Variants in PPP1R14C observed in about 807,000 individuals in gnomAD.
PPP1R14C encodes protein phosphatase 1 regulatory subunit 14C.
In PPP1R14C, 16 loss-of-function variants were observed where a neutral mutation model predicts 20.4. That is an observed-to-expected ratio of 0.78 (90% CI 0.53 to 1.19). The LOEUF (loss-of-function observed/expected upper bound fraction) is 1.19, where lower values mean the gene tolerates loss of function less well. Ranked by LOEUF, PPP1R14C falls within the 50% of genes most tolerant of loss-of-function variation. The pLI, the probability that PPP1R14C is intolerant of heterozygous loss-of-function variation, is 0.00. For synonymous variants in PPP1R14C, 91 were observed against 91.0 expected (o/e 1.00, Z 0.00); for missense variants, 211 against 220.1 (o/e 0.96, Z 0.26).
At chr6:150,168,897 G>C (rs1250521455) in intron 1 of PPP1R14C, among the ~76,000 whole-genome samples, 1 of 151,854 alleles carries the variant, frequency 6.6e-6, no homozygotes, top group Non-Finnish European at 1.5e-5. Flanking sequence ...TATTATTTGA[G>C]ACAGATTCTC....
At chr6:150,186,267 A>G (rs1777676046) in intron 1 of PPP1R14C, among the ~76,000 whole-genome samples, 1 of 152,214 alleles carries the variant, frequency 6.6e-6, no homozygotes, top group Non-Finnish European at 1.5e-5. Flanking sequence ...ATGGTCTTCA[A>G]AAGCCCTCAG....
chr6:150,169,228 C>T (rs1363215464), intron 1 of PPP1R14C, among the ~76,000 whole-genome samples: 1 of 152,132 alleles, frequency 6.6e-6, no homozygotes, highest in Non-Finnish European at 1.5e-5. Context: ...AATATCTAAC[C>T]TTCCATTATA....
intron 1 of PPP1R14C, chr6:150,164,507 T>C (rs1017209611): frequency 5.9e-5 from 9 of 152,326 alleles, no homozygotes; most frequent in Non-Finnish European, 1.0e-4. Flanking sequence ...TTCATTATTT[T>C]ACCTTTTATA....
intron 1 of PPP1R14C, among the ~76,000 whole-genome samples, chr6:150,157,082 T>G (rs139743993): frequency 1.3e-5 from 2 of 151,560 alleles, no homozygotes; most frequent in Non-Finnish European, 2.9e-5. Context: ...ATCCCAAGGT[T>G]GAGTTAACTC....
intron 1 of PPP1R14C, among the ~76,000 whole-genome samples, chr6:150,155,765 C>T (rs1042122164): frequency 3.9e-5 from 6 of 151,990 alleles, no homozygotes; most frequent in African/African-American, 1.4e-4. Flanking sequence ...TGGCTCACAC[C>T]TGTAATCCCA....
chr6:150,204,670 T>G (rs1777921949), intron 1 of PPP1R14C, among the ~76,000 whole-genome samples: 1 of 152,164 alleles, frequency 6.6e-6, no homozygotes, highest in Admixed American at 6.5e-5. Context: ...GTGTGGGAAC[T>G]AAGGGTTAGG....
At position 150,168,116 on chromosome 6, in the gene PPP1R14C, C is replaced by G. The variant is rs1336418043; in HGVS notation, c.306+24618C>G. Among the ~76,000 whole-genome samples the G allele has an allele frequency of 2.3e-5, 3 of 130,056 alleles. No individual in the cohort carries two copies. In the Admixed American group the frequency reaches 2.3e-4, roughly 10 times the overall value. 85.3% of individuals were successfully genotyped at this position (130,056 alleles called of 152,430 possible). A position where few individuals can be genotyped will look rare whatever the true frequency, so the allele number is the denominator to read the frequency against. Reference sequence around the variant, plus strand: ...TTTCACTTCCCCTTTTACTTCCCTCCCCCACTCCTTCTCCCTAACACAATA... The same window carrying G: ...TTTCACTTCCCCTTTTACTTCCCTCGCCCACTCCTTCTCCCTAACACAATA... On this transcript the variant is annotated intron_variant, in intron 1 of 3. Transcript: ENST00000361131.
intron 1 of PPP1R14C, among the ~76,000 whole-genome samples, chr6:150,144,317 A>G (rs1343428598): frequency 6.6e-6 from 1 of 152,256 alleles, no homozygotes; most frequent in East Asian, 1.9e-4. Context: ...CCCAAGGTCC[A>G]GGGACTAAGG....
At chr6:150,216,972 AATT>A (rs1287406107) in intron 3 of PPP1R14C, 116 bp downstream of exon 3, 2 of 735,234 alleles carry the variant, frequency 2.7e-6, no homozygotes, top group African/African-American at 3.6e-5. Context: ...ACCAATTAGC[AATT>A]ATTATCCATG....
At chr6:150,223,017 C>T (rs978305012) in intron 3 of PPP1R14C, among the ~76,000 whole-genome samples, 4 of 152,106 alleles carry the variant, frequency 2.6e-5, no homozygotes, top group Admixed American at 6.6e-5. Context: ...GATGTGCCCA[C>T]CTCAGACTCC....
chr6:150,187,261 G>C (rs1204647706), intron 1 of PPP1R14C, among the ~76,000 whole-genome samples: 1 of 148,618 alleles, frequency 6.7e-6, no homozygotes, highest in South Asian at 2.1e-4. Flanking sequence ...GTGTGTGTGT[G>C]TGTGTGTGTG....
chr6:150,180,540 A>G lies in PPP1R14C; in HGVS notation c.307-34204A>G, dbSNP rs969681637. 3.3e-5 allele frequency among the ~76,000 whole-genome samples: 5 copies of G among 152,246 alleles called. No individual in the cohort carries two copies. The South Asian group carries it at 6.2e-4, about 19-fold the overall frequency. On this transcript the variant is annotated intron_variant, in intron 1 of 3. Coordinates refer to ENST00000361131, the MANE Select transcript of PPP1R14C (RefSeq NM_030949.3). ...GCTTCCATGTTTCATCCAGCATTAT[A>G]TAAGGAACTCTGCACATGTGGGTAC... is the stretch of plus-strand genomic sequence containing the variant.
chr6:150,163,146 C>A (rs1365482017), intron 1 of PPP1R14C, among the ~76,000 whole-genome samples: 1 of 152,178 alleles, frequency 6.6e-6, no homozygotes, highest in Admixed American at 6.5e-5. Context: ...AATCCCAGCA[C>A]TTTGGGAGGC....
chr6:150,197,174 T>C (rs1474380139), intron 1 of PPP1R14C, among the ~76,000 whole-genome samples: 1 of 152,104 alleles, frequency 6.6e-6, no homozygotes. Flanking sequence ...CCTGCCTACC[T>C]CAGGCCTCCC....
intron 3 of PPP1R14C, among the ~76,000 whole-genome samples, chr6:150,240,433 A>G (rs868716774): frequency 6.6e-6 from 1 of 152,224 alleles, no homozygotes; most frequent in Non-Finnish European, 1.5e-5. Flanking sequence ...AGTGGGCTGG[A>G]GCAAGTGGCT....
chr6:150,241,888 A>G (rs2114932827), intron 3 of PPP1R14C, among the ~76,000 whole-genome samples: 1 of 152,190 alleles, frequency 6.6e-6, no homozygotes, highest in East Asian at 1.9e-4. Flanking sequence ...CTCTTGTCTC[A>G]AAAGAAAAAA....
rs116960531 is a variant in PPP1R14C, at chr6:150,151,086, G to T, written c.306+7588G>T. 2.9e-3 allele frequency among the ~76,000 whole-genome samples: 439 copies of T among 151,722 alleles called. 8 individuals carry two copies. In the East Asian group the frequency reaches 0.035, roughly 12 times the overall value. ...TCACTCCTGCGTGCTGTTTTTGGATGATAAGACCCTTCCTGTGGCTTTAAT... is the reference window on the plus strand; with the variant it reads ...TCACTCCTGCGTGCTGTTTTTGGATTATAAGACCCTTCCTGTGGCTTTAAT... On this transcript the variant is annotated intron_variant, in intron 1 of 3. Transcript: ENST00000361131.
intron 3 of PPP1R14C, among the ~76,000 whole-genome samples, chr6:150,222,765 CTT>C (rs4038164): frequency 2.2e-4 from 16 of 71,278 alleles, no homozygotes; most frequent in Admixed American, 4.7e-4. Flanking sequence ...TTCAAACTGG[CTT>C]TTTTTTTTTT....
intron 1 of PPP1R14C, among the ~76,000 whole-genome samples, chr6:150,169,333 C>T (rs1777472586): frequency 6.6e-6 from 1 of 152,046 alleles, no homozygotes; most frequent in Non-Finnish European, 1.5e-5. Context: ...ATTCTGTTGT[C>T]ATGGGAAACT....
Sources: allele counts gnomAD v4.1 joint callset (sites outside exome capture counted in the v4.1 genomes callset), GRCh38; gene constraint gnomAD v4.1.1; transcripts MANE v1.5; gene names NCBI Gene and HGNC (gene_info 2026-07-23, HGNC 2026-07-21).